The following LARP4 variants were observed in gnomAD, a reference collection of about 807,000 sequenced individuals.
The protein encoded by LARP4 is la-related protein 4.
Under a neutral mutation model 92.9 loss-of-function variants are expected in LARP4, and 29 were observed. That is an observed-to-expected ratio of 0.31 (90% CI 0.23 to 0.43). The LOEUF (loss-of-function observed/expected upper bound fraction) is 0.43, where lower values mean the gene tolerates loss of function less well. Ranked by LOEUF, LARP4 falls within the 20% of genes least tolerant of loss-of-function variation. The pLI is 1.00. For synonymous variants in LARP4, 279 were observed against 284.1 expected (o/e 0.98, Z 0.18); for missense variants, 732 against 860.0 (o/e 0.85, Z 1.86).
intron 8 of LARP4, among the ~76,000 whole-genome samples, chr12:50,452,598 G>T (rs1953420388): frequency 6.6e-6 from 1 of 152,052 alleles, no homozygotes; most frequent in African/African-American, 2.4e-5. Context: ...AACACTTCCT[G>T]TTGTTTTTTT....
At position 50,428,933 on chromosome 12, in the gene LARP4, A is replaced by G; in HGVS notation, c.167-2A>G. ...TACTTTCAGTGTCTGTCTTTAATAC[A>G]GGTAATGCAGAGCTCTCAGAAGATA... On this transcript the variant is annotated splice_acceptor_variant, in intron 2 of 15. Transcript: ENST00000398473. LOFTEE classifies it high-confidence loss of function. 1 of 1,570,298 alleles carries G rather than the reference A, an allele frequency of 6.4e-7. No homozygotes were observed. The highest frequency in any genetic ancestry group is 8.6e-7 in the Non-Finnish European group (1 of 1,159,758).
chr12:50,436,874 A>G lies in LARP4; in HGVS notation c.536-861A>G, dbSNP rs12310232. ...TTATGGAACATTACAGAGGATTACA[A>G]ACATTAATGGAACATTACAGAGGAT... is the stretch of plus-strand genomic sequence containing the variant. On this transcript the variant is annotated intron_variant, in intron 5 of 15. Coordinates refer to ENST00000398473, the MANE Select transcript of LARP4 (RefSeq NM_052879.5). Among the ~76,000 whole-genome samples, 586 of 152,356 alleles carry G rather than the reference A, an allele frequency of 3.8e-3. 7 individuals are homozygous for G. The highest frequency in any genetic ancestry group is 0.012 in the Admixed American group (182 of 15,298).
intron 1 of LARP4, among the ~76,000 whole-genome samples, chr12:50,403,838 G>T (rs1226221889): frequency 6.6e-6 from 1 of 152,144 alleles, no homozygotes; most frequent in Non-Finnish European, 1.5e-5. Context: ...ATCGTGCTTT[G>T]TGTCAGGAAC....
intron 8 of LARP4, among the ~76,000 whole-genome samples, chr12:50,450,219 C>G (rs1593234892): frequency 2.0e-5 from 3 of 151,940 alleles, no homozygotes; most frequent in Admixed American, 1.3e-4. Context: ...CGTGAGCCAC[C>G]CTGCCTGGCC....
rs990257336 is a variant in LARP4 at position 50,454,101 on chromosome 12, G to A, written c.1018-213G>A. 9.9e-5 allele frequency among the ~76,000 whole-genome samples: 15 copies of A among 152,210 alleles called. 1 individual carries two copies. The highest frequency in any genetic ancestry group is 6.2e-4 in the South Asian group (3 of 4,828). On this transcript the variant is annotated intron_variant, in intron 9 of 15. Coordinates refer to ENST00000398473, the MANE Select transcript of LARP4 (RefSeq NM_052879.5). ...GATTTTAAATGCATTTTAGTGTTGC[G>A]AAATGTCAGACCAGACATTCTTTAC... is the stretch of plus-strand genomic sequence containing the variant.
intron 13 of LARP4, 95 bp from the exon 14 acceptor site, chr12:50,473,320 A>C: frequency 1.2e-6 from 1 of 846,268 alleles, no homozygotes; most frequent in Non-Finnish European, 1.9e-6. Context: ...ATGATGACTA[A>C]TGATGTTGAC....
rs1426938421 is a variant in LARP4 at position 50,436,137 on chromosome 12, GTGTA to G, written c.535+515_535+518del. On this transcript the variant is annotated intron_variant, in intron 5 of 15. Transcript: ENST00000398473. The stretch of plus-strand genomic sequence containing the variant: ...GTGTGTGTGATATGTGTGTGTGTGT[GTGTA>G]TATATCCCGCTGGGGTGTGTGTGTG... 2.1e-5 allele frequency among the ~76,000 whole-genome samples: 3 copies of G among 141,318 alleles called. No individual in the cohort carries two copies. The Admixed American group carries it at 2.2e-4, about 10-fold the overall frequency. The allele number at this position is 141,318 out of a possible 152,430, so 92.7% of individuals were successfully genotyped here. A position where few individuals can be genotyped will look rare whatever the true frequency, so the allele number is the denominator to read the frequency against.
intron 10 of LARP4, among the ~76,000 whole-genome samples, chr12:50,460,427 A>T (rs1171186860): frequency 1.3e-5 from 2 of 152,098 alleles, no homozygotes; most frequent in Non-Finnish European, 2.9e-5. Context: ...TCCTGGGCCC[A>T]AGCAGTCTTC....
chr12:50,414,364 C>G (rs1296518012), intron 1 of LARP4, among the ~76,000 whole-genome samples: 1 of 152,094 alleles, frequency 6.6e-6, no homozygotes, highest in Non-Finnish European at 1.5e-5. Context: ...AGTGCAGTGG[C>G]ATGATCTTGG....
At chr12:50,418,331 C>T (rs986538524) in intron 1 of LARP4, among the ~76,000 whole-genome samples, 7 of 152,012 alleles carry the variant, frequency 4.6e-5, no homozygotes, top group South Asian at 2.1e-4. Context: ...AATAGAGAAG[C>T]GGAAGGATTA....
chr12:50,435,374 T>C (rs1367823137), intron 4 of LARP4, 114 bp from the exon 5 acceptor site: 1 of 679,226 alleles, frequency 1.5e-6, no homozygotes, highest in Non-Finnish European at 2.5e-6. Flanking sequence ...ATGTTATTTC[T>C]GATAGAATAA....
intron 15 of LARP4, among the ~76,000 whole-genome samples, chr12:50,474,426 C>T (rs1428311325): frequency 6.6e-6 from 1 of 152,162 alleles, no homozygotes; most frequent in Non-Finnish European, 1.5e-5. Context: ...CGCGTCACTG[C>T]AAGCTCCGCC....
rs563089892 is a variant in LARP4 at position 50,440,636 on chromosome 12, A to C, written c.750+87A>C. On this transcript the variant is annotated intron_variant, in intron 7 of 15. Transcript: ENST00000398473. Reference sequence around the variant, plus strand: ...TTTAATTGAGAAAATGTGTGTTTACACTGATGTTTATCAAGACTAGTGAGT... The same window carrying C: ...TTTAATTGAGAAAATGTGTGTTTACCCTGATGTTTATCAAGACTAGTGAGT... 3.2e-5 allele frequency: 28 copies of C among 888,290 alleles called. No homozygotes were observed. In the East Asian group the frequency reaches 7.0e-4, roughly 22 times the overall value. The allele number at this position is 888,290 out of a possible 1,614,324, so 55.0% of individuals were successfully genotyped here.
chr12:50,438,142 A>G (rs768021259), intron 6 of LARP4, among the ~76,000 whole-genome samples: 3 of 152,194 alleles, frequency 2.0e-5, no homozygotes, highest in Non-Finnish European at 4.4e-5. Context: ...TAAATAGGCT[A>G]TTTTGGGAAC....
intron 8 of LARP4, among the ~76,000 whole-genome samples, chr12:50,445,183 C>T (rs995743401): frequency 1.3e-5 from 2 of 152,094 alleles, no homozygotes; most frequent in Admixed American, 6.6e-5. Context: ...GGACTATAGA[C>T]GTGAGCCACT....
intron 15 of LARP4, among the ~76,000 whole-genome samples, chr12:50,474,417 G>A (rs752537897): frequency 2.6e-5 from 4 of 151,938 alleles, no homozygotes; most frequent in East Asian, 3.9e-4. Flanking sequence ...GCACGATCTC[G>A]CGTCACTGCA....
chr12:50,423,510 G>A (rs536904380), intron 1 of LARP4, among the ~76,000 whole-genome samples: 8 of 152,018 alleles, frequency 5.3e-5, no homozygotes, highest in East Asian at 3.9e-4. Flanking sequence ...GTGCAGTGGC[G>A]TAATCTCGGC....
chr12:50,448,899 A>G (rs1177028346), intron 8 of LARP4, among the ~76,000 whole-genome samples: 1 of 152,192 alleles, frequency 6.6e-6, no homozygotes, highest in Non-Finnish European at 1.5e-5. Context: ...GAACATTATC[A>G]AGTACCTAGT....
At position 50,465,400 on chromosome 12, in the gene LARP4, A is replaced by G. The variant is rs372625119; in HGVS notation, c.1384-1559A>G. Among the ~76,000 whole-genome samples, 9 of 145,164 alleles carry G rather than the reference A, an allele frequency of 6.2e-5. No individual in the cohort carries two copies. In the East Asian group the frequency reaches 1.8e-3, roughly 29 times the overall value. On this transcript the variant is annotated intron_variant, in intron 12 of 15. Coordinates refer to ENST00000398473, the MANE Select transcript of LARP4 (RefSeq NM_052879.5). ...AAAAAAAAAAAAAAAGAGAGATTAGATTTGGGGTTTATTCAATATGTTGTA... is the reference window on the plus strand; with the variant it reads ...AAAAAAAAAAAAAAAGAGAGATTAGGTTTGGGGTTTATTCAATATGTTGTA...
Sources: allele counts gnomAD v4.1 joint callset (sites outside exome capture counted in the v4.1 genomes callset), GRCh38; gene constraint gnomAD v4.1.1; transcripts MANE v1.5; gene names NCBI Gene and HGNC (gene_info 2026-07-23, HGNC 2026-07-21).